Variants in DAB1 observed in about 807,000 individuals in gnomAD.
DAB1 encodes DAB adaptor protein 1.
In DAB1, 15 loss-of-function variants were observed where a neutral mutation model predicts 64.6. The observed-to-expected ratio is 0.23, with a 90% CI of 0.16 to 0.36. The LOEUF (loss-of-function observed/expected upper bound fraction) is 0.36. DAB1 is among the 10% of genes least tolerant of loss of function. The pLI, the probability that DAB1 is intolerant of heterozygous loss-of-function variation, is 1.00. For missense variants in DAB1, 596 were observed against 706.7 expected (o/e 0.84, Z 1.78); for synonymous variants, 235 against 251.9 (o/e 0.93, Z 0.64).
intron 4 of DAB1, among the ~76,000 whole-genome samples, chr1:57,075,549 T>C (rs1259721367): frequency 6.6e-6 from 1 of 152,188 alleles, no homozygotes; most frequent in Admixed American, 6.5e-5. Context: ...GAAATACAAA[T>C]ACATTAGAAT....
intron 4 of DAB1, among the ~76,000 whole-genome samples, chr1:57,108,775 G>A (rs1655396343): frequency 6.6e-6 from 1 of 152,162 alleles, no homozygotes; most frequent in South Asian, 2.1e-4. Flanking sequence ...AACTCCTACA[G>A]TGAGTATCTC....
At chr1:57,995,923 C>A (rs1424040351) in intron 5 of DAB1, among the ~76,000 whole-genome samples, 1 of 152,028 alleles carries the variant, frequency 6.6e-6, no homozygotes, top group Non-Finnish European at 1.5e-5. Flanking sequence ...GTGACCTTGG[C>A]AAAGTCATTG....
At chr1:57,931,793 A>G (rs1420675087) in intron 5 of DAB1, among the ~76,000 whole-genome samples, 1 of 152,134 alleles carries the variant, frequency 6.6e-6, no homozygotes, top group Non-Finnish European at 1.5e-5. Context: ...TTTACAAAGA[A>G]AAAGTTTTTG....
chr1:57,609,700 A>C (rs538357327), intron 7 of DAB1, among the ~76,000 whole-genome samples: 8 of 152,314 alleles, frequency 5.3e-5, no homozygotes, highest in African/African-American at 1.7e-4. Context: ...GAAAATTCTA[A>C]AAGGCAAAAT....
intron 7 of DAB1, among the ~76,000 whole-genome samples, chr1:57,505,988 A>G (rs1356569648): frequency 2.0e-5 from 3 of 152,190 alleles, no homozygotes; most frequent in Non-Finnish European, 4.4e-5. Context: ...TAATTTCTTA[A>G]GCAACTTCCT....
intron 12 of DAB1, 40 bp downstream of exon 12, chr1:57,014,843 G>C: frequency 6.7e-7 from 1 of 1,492,374 alleles, no homozygotes; most frequent in Non-Finnish European, 9.0e-7. Flanking sequence ...ATGAGTTACG[G>C]CTCTCATTGG....
At chr1:58,396,393 T>G (rs1644522518) in intron 3 of DAB1, among the ~76,000 whole-genome samples, 1 of 152,054 alleles carries the variant, frequency 6.6e-6, no homozygotes, top group African/African-American at 2.4e-5. Context: ...TCCTTTCTCT[T>G]TTTTTTCGTT....
intron 9 of DAB1, among the ~76,000 whole-genome samples, chr1:57,050,134 G>A (rs1031893423): frequency 6.6e-5 from 10 of 152,136 alleles, no homozygotes; most frequent in Middle Eastern, 3.4e-3. Context: ...TGGTTTTTCC[G>A]CTCTTCTAAC....
chr1:57,676,889 A>C (rs897067043), intron 6 of DAB1, among the ~76,000 whole-genome samples: 4 of 152,122 alleles, frequency 2.6e-5, no homozygotes, highest in African/African-American at 9.7e-5. Context: ...TCTCAAGGGG[A>C]ACTGGAACAT....
chr1:58,499,519 T>C (rs1234596360), intron 3 of DAB1, among the ~76,000 whole-genome samples: 2 of 151,940 alleles, frequency 1.3e-5, no homozygotes, highest in Non-Finnish European at 2.9e-5. Flanking sequence ...AATAGATAGA[T>C]AGATAGATAT....
intron 3 of DAB1, among the ~76,000 whole-genome samples, chr1:58,438,887 AC>A (rs1370216423): frequency 1.3e-5 from 2 of 152,134 alleles, no homozygotes; most frequent in Non-Finnish European, 2.9e-5. Flanking sequence ...TGGAGCAGAA[AC>A]CACTTGCGTC....
At chr1:57,569,584 C>G (rs1264170422) in intron 7 of DAB1, among the ~76,000 whole-genome samples, 3 of 149,812 alleles carry the variant, frequency 2.0e-5, no homozygotes, top group African/African-American at 7.3e-5. Context: ...ACATCATACA[C>G]CGGGGCCTGT....
intron 4 of DAB1, among the ~76,000 whole-genome samples, chr1:58,337,151 G>A (rs1485184161): frequency 2.0e-5 from 3 of 151,896 alleles, no homozygotes; most frequent in Non-Finnish European, 4.4e-5. Flanking sequence ...GCGTGGCGAT[G>A]CGGGCCTGTA....
At chr1:57,486,182 A>G (rs1423805322) in intron 7 of DAB1, among the ~76,000 whole-genome samples, 1 of 152,238 alleles carries the variant, frequency 6.6e-6, no homozygotes, top group Admixed American at 6.5e-5. Context: ...CACAGTTAAA[A>G]GATGTGCAAT....
intron 3 of DAB1, among the ~76,000 whole-genome samples, chr1:58,375,967 C>A (rs528101463): frequency 1.2e-3 from 185 of 148,126 alleles, no homozygotes; most frequent in South Asian, 4.1e-3. Flanking sequence ...AGTTTATTTG[C>A]GTAGAGGTGT....
At chr1:57,252,275 A>G (rs961120112) in intron 2 of DAB1, among the ~76,000 whole-genome samples, 1 of 152,192 alleles carries the variant, frequency 6.6e-6, no homozygotes, top group African/African-American at 2.4e-5. Context: ...GGTGGATGAA[A>G]TTTCAGCTAC....
chr1:57,488,694 T>TA (rs1644124505), intron 7 of DAB1, among the ~76,000 whole-genome samples: 1 of 151,340 alleles, frequency 6.6e-6, no homozygotes, highest in African/African-American at 2.4e-5. Flanking sequence ...AATAATAAAA[T>TA]AAAATAAAAA....
At chr1:57,952,783 G>A (rs1027903593) in intron 5 of DAB1, among the ~76,000 whole-genome samples, 1 of 152,132 alleles carries the variant, frequency 6.6e-6, no homozygotes, top group Non-Finnish European at 1.5e-5. Flanking sequence ...CATAGGAGGA[G>A]GGCTCTAAGA....
At chr1:57,415,409 A>C (rs938862836) in intron 1 of DAB1, among the ~76,000 whole-genome samples, 2 of 152,172 alleles carry the variant, frequency 1.3e-5, no homozygotes, top group Non-Finnish European at 2.9e-5. Flanking sequence ...AGGCTTTCTG[A>C]AACAAGACAT....
Sources: allele counts gnomAD v4.1 joint callset (sites outside exome capture counted in the v4.1 genomes callset), GRCh38; gene constraint gnomAD v4.1.1; transcripts MANE v1.5; gene names NCBI Gene and HGNC (gene_info 2026-07-23, HGNC 2026-07-21).